RPS6KA4: variants seen among roughly 807,000 people sequenced by gnomAD.
RPS6KA4 encodes the protein ribosomal protein S6 kinase A4.
Under a neutral mutation model 89.6 loss-of-function variants are expected in RPS6KA4, and 38 were observed. That is an observed-to-expected ratio of 0.42 (90% confidence interval 0.33 to 0.56). The LOEUF (loss-of-function observed/expected upper bound fraction) is 0.56. Among genes scored for constraint, RPS6KA4 ranks in the 20% least tolerant of loss-of-function variants. RPS6KA4 has a pLI of 0.07. For synonymous variants in RPS6KA4, 495 were observed against 492.8 expected, an observed-to-expected ratio of 1.00 and a Z score of -0.06; for missense variants, 873 against 1,098.8, an observed-to-expected ratio of 0.79 and a Z score of 2.90.
At position 64,361,992 on chromosome 11, in the gene RPS6KA4, C is replaced by T. The variant is rs1423129476; in HGVS notation, c.896C>T (p.Pro299Leu). 3.1e-6 allele frequency: 5 copies of T among 1,609,270 alleles called. No individual in the cohort carries two copies. The highest frequency in any genetic ancestry group is 4.2e-6 in the Non-Finnish European group (5 of 1,178,614). Residue 299 changes from proline (P) to leucine (L), a missense_variant, in exon 8 of 17, where the codon CCC becomes CTC. Pro to Leu is a moderately conservative substitution (Grantham distance 98). Around this residue, in one of 4 missense-constraint regions of RPS6KA4, gnomAD observed 542 missense variants for 736.4 expected, o/e 0.74. Coordinates refer to ENST00000334205, the MANE Select transcript of RPS6KA4 (RefSeq NM_003942.3). The surrounding 1 kb of genome is among the most constrained non-coding windows in gnomAD (Gnocchi z 4.7). ...PQGAQEVRNH[P>L]FFQGLDWVAL... ...GGGGCACAAGAAGTCCGGAACCATC[C>T]CTTCTTCCAGGTGAGGCTGACTCAG... is the stretch of plus-strand genomic sequence containing the variant.
intron 8 of RPS6KA4, 55 bp downstream of exon 8, chr11:64,362,057 G>A: frequency 6.4e-7 from 1 of 1,555,024 alleles, no homozygotes; most frequent in Non-Finnish European, 8.6e-7. Flanking sequence ...TGGGGCTGCT[G>A]TTCCAGGTTG....
chr11:64,369,372 G>A (rs1046203012), intron 12 of RPS6KA4, 74 bp from the exon 13 acceptor site: 27 of 1,456,366 alleles, frequency 1.9e-5, no homozygotes, highest in African/African-American at 2.8e-5. Flanking sequence ...AAGGCCGGGG[G>A]CGGGGCCTGG....
Position 64,368,452 on chromosome 11 carries a change from T to TCGCCTC in RPS6KA4, c.1201-11_1201-10insCCGCCT, listed in dbSNP as rs1565072901. The stretch of plus-strand genomic sequence containing the variant: ...TGACGCGCCGCCTTCGCCTTCGCCT[T>TCGCCTC]CGCCTTCGCCTCCAGGACTCGCCCT... On this transcript the variant is annotated splice_polypyrimidine_tract_variant and intron_variant, in intron 10 of 16. Transcript: ENST00000334205. 9 of 1,547,164 alleles carry TCGCCTC rather than the reference T, an allele frequency of 5.8e-6. No homozygotes were observed. The South Asian group carries it at 1.1e-4, about 18-fold the overall frequency.
intron 2 of RPS6KA4, 34 bp from the exon 3 acceptor site, chr11:64,360,129 C>T: frequency 6.6e-7 from 1 of 1,517,936 alleles, no homozygotes; most frequent in Non-Finnish European, 8.9e-7. Context: ...CTCCCGCTCA[C>T]AGCCCACCCT....
intron 2 of RPS6KA4, 186 bp downstream of exon 2, chr11:64,359,635 A>T: frequency 1.6e-6 from 1 of 613,878 alleles, no homozygotes; most frequent in Non-Finnish European, 2.9e-6. Flanking sequence ...CTCCACATTG[A>T]CATCACTCCT....
At chr11:64,368,976 G>A (rs1446151045) in intron 12 of RPS6KA4, among the ~76,000 whole-genome samples, 179 bp downstream of exon 12, 1 of 152,128 alleles carries the variant, frequency 6.6e-6, no homozygotes, top group African/African-American at 2.4e-5. Context: ...AGGACGGGAA[G>A]GCGGAGCTGA....
chr11:64,359,512 C>A, intron 2 of RPS6KA4, 63 bp downstream of exon 2: 1 of 1,560,878 alleles, frequency 6.4e-7, no homozygotes, highest in Non-Finnish European at 8.8e-7. Context: ...CCTGCCTGCT[C>A]ACTCTTGGGC....
rs138093547 is a variant in RPS6KA4 at position 64,361,891 on chromosome 11, C to T, written c.795C>T (p.Ile265=). Reference sequence around the variant, plus strand: ...GCTCCCCTCCCTTCCCCCCTCGGATCGGGCCCGTGGCGCAGGACCTGCTGC... The same window carrying T: ...GCTCCCCTCCCTTCCCCCCTCGGATTGGGCCCGTGGCGCAGGACCTGCTGC... The part of the protein sequence containing the change: ...LKCSPPFPPR[I]GPVAQDLLQR... Residue 265 remains isoleucine (I), a synonymous_variant, in exon 8 of 17, where the codon ATC becomes ATT. Coordinates refer to ENST00000334205, the MANE Select transcript of RPS6KA4 (RefSeq NM_003942.3). The surrounding 1 kb of genome is among the most constrained non-coding windows in gnomAD (Gnocchi z 4.7). 1.6e-5 allele frequency: 26 copies of T among 1,612,870 alleles called. No homozygotes were observed. The highest frequency in any genetic ancestry group is 1.8e-5 in the Non-Finnish European group (21 of 1,179,864).
chr11:64,367,259 C>A (rs1048219362), intron 9 of RPS6KA4, among the ~76,000 whole-genome samples: 5 of 152,204 alleles, frequency 3.3e-5, no homozygotes, highest in African/African-American at 9.7e-5. Flanking sequence ...GATCCTCCCA[C>A]CTCAGCCTGC....
Position 64,361,274 on chromosome 11 carries a change from C to A in RPS6KA4, c.570+33C>A. On this transcript the variant is annotated intron_variant, in intron 5 of 16. Transcript: ENST00000334205. This position sits in a 1 kb window ranked among gnomAD's most constrained non-coding sequence, Gnocchi z 4.7. Reference sequence around the variant, plus strand: ...GAGGCCACCTCTGCCTGCAGTGCCCCATTCAATCCTTCTCCTTCCTGCCTC... The same window carrying A: ...GAGGCCACCTCTGCCTGCAGTGCCCAATTCAATCCTTCTCCTTCCTGCCTC... The A allele has an allele frequency of 6.4e-7, 1 of 1,574,666 alleles. No homozygotes were observed. The highest frequency in any genetic ancestry group is 8.7e-7 in the Non-Finnish European group (1 of 1,146,220).
chr11:64,364,978 C>T (rs1408660059), intron 8 of RPS6KA4, among the ~76,000 whole-genome samples: 1 of 150,652 alleles, frequency 6.6e-6, no homozygotes, highest in Non-Finnish European at 1.5e-5. Flanking sequence ...GTCTTGAACT[C>T]CTGACCTCAG....
rs2037078438 is a variant in RPS6KA4, at chr11:64,371,552, T to C, written c.*72T>C. ...AGCCCGGCTCACTCCCGGAGGCCTC[T>C]GCCTGCGGCTGACCTGATCCCCAAG... On this transcript the variant is annotated 3_prime_UTR_variant, in exon 17 of 17. Coordinates refer to ENST00000334205, the MANE Select transcript of RPS6KA4 (RefSeq NM_003942.3). 4.7e-6 allele frequency: 3 copies of C among 642,572 alleles called. No homozygotes were observed. The highest frequency in any genetic ancestry group is 5.5e-5 in the Admixed American group (2 of 36,106). 39.8% of individuals were successfully genotyped at this position (642,572 alleles called of 1,614,324 possible).
Position 64,360,208 on chromosome 11 carries a change from C to G in RPS6KA4, c.173C>G (p.Ala58Gly). 1 of 1,548,302 alleles carries G rather than the reference C, an allele frequency of 6.5e-7. No individual in the cohort carries two copies. The highest frequency in any genetic ancestry group is 8.7e-7 in the Non-Finnish European group (1 of 1,146,906). ...GTGCGGAAGGCGGGCGGGCACGACGCGGGGAAGCTGTACGCCATGAAGGTG... is the reference window on the plus strand; with the variant it reads ...GTGCGGAAGGCGGGCGGGCACGACGGGGGGAAGCTGTACGCCATGAAGGTG... ...FLVRKAGGHD[A>G]GKLYAMKVLR... The change falls in exon 3 of 17, where the codon GCG becomes GGG. Residue 58 changes from alanine (A) to glycine (G), a missense_variant. By Grantham distance (60) the Ala-to-Gly change is moderately conservative (BLOSUM62 0). Coordinates refer to ENST00000334205, the MANE Select transcript of RPS6KA4 (RefSeq NM_003942.3).
In RPS6KA4 at chr11:64,369,820, A is replaced by G; in HGVS notation, c.1724A>G (p.Tyr575Cys). Residue 575 changes from tyrosine (Y) to cysteine (C), a missense_variant, in exon 14 of 17, where the codon TAC becomes TGC. Physicochemically the swap from Tyr to Cys is radical, Grantham distance 194. Around this residue, in one of 4 missense-constraint regions of RPS6KA4, gnomAD observed 542 missense variants for 736.4 expected, o/e 0.74. Coordinates refer to ENST00000334205, the MANE Select transcript of RPS6KA4 (RefSeq NM_003942.3). ...PMQTPCFTLQYAAPELLAQQG... is the reference protein window; with the variant it reads ...PMQTPCFTLQCAAPELLAQQG... ...CAGACGCCCTGCTTCACGCTGCAGT[A>G]CGCTGCCCCCGAGCTGCTGGCGCAG... 2 of 1,600,552 alleles carry G rather than the reference A, an allele frequency of 1.2e-6. No individual in the cohort carries two copies. Among genetic ancestry groups the G allele is most frequent in the Non-Finnish European group, 1.7e-6 (2 of 1,174,640 alleles).
Position 64,368,161 on chromosome 11 carries a change from C to A in RPS6KA4, c.1101C>A (p.Leu367=). ...ACTCCTTTGTGGCACCCTCCATTCTCTTTGACCACAACAACGCGGTGATGA... is the reference window on the plus strand; with the variant it reads ...ACTCCTTTGTGGCACCCTCCATTCTATTTGACCACAACAACGCGGTGATGA... ...QGYSFVAPSI[L]FDHNNAVMTD... Residue 367 remains leucine, a synonymous_variant, in exon 10 of 17, where the codon CTC becomes CTA. Transcript: ENST00000334205. The A allele has an allele frequency of 6.2e-7, 1 of 1,613,742 alleles. No individual in the cohort carries two copies.
intron 8 of RPS6KA4, among the ~76,000 whole-genome samples, chr11:64,362,603 C>T (rs2036784082): frequency 6.6e-6 from 1 of 152,220 alleles, no homozygotes; most frequent in South Asian, 2.1e-4. Context: ...CCCAGCAGGA[C>T]TTTGTAACAG....
rs2036744559 is a variant in RPS6KA4 at position 64,361,406 on chromosome 11, C to T, written c.571-63C>T. ...AAGTTGAGCGAGTCTTACTCTGGGC[C>T]TTGTGGGGCACTGGGGCACAGGAGA... On this transcript the variant is annotated intron_variant, in intron 5 of 16. Coordinates refer to ENST00000334205, the MANE Select transcript of RPS6KA4 (RefSeq NM_003942.3). This position sits in a 1 kb window ranked among gnomAD's most constrained non-coding sequence, Gnocchi z 4.7. The T allele has an allele frequency of 1.3e-6, 2 of 1,582,654 alleles. No homozygotes were observed. The highest frequency in any genetic ancestry group is 1.7e-4 in the Middle Eastern group (1 of 5,786).
chr11:64,364,906 A>ATTT (rs35498968), intron 8 of RPS6KA4, among the ~76,000 whole-genome samples: 45 of 132,470 alleles, frequency 3.4e-4, no homozygotes, highest in Admixed American at 4.5e-4. Flanking sequence ...CGCCCAGCTA[A>ATTT]TTTTTTTTTT....
Position 64,359,261 on chromosome 11 carries a change from G to A in RPS6KA4, c.26G>A (p.Ser9Asn). The A allele has an allele frequency of 6.5e-7, 1 of 1,532,758 alleles. No individual in the cohort carries two copies. Among genetic ancestry groups the A allele is most frequent in the Non-Finnish European group, 8.8e-7 (1 of 1,136,068 alleles). The allele number at this position is 1,532,758 out of a possible 1,614,324, so 94.9% of individuals were successfully genotyped here. A position where few individuals can be genotyped will look rare whatever the true frequency, so the allele number is the denominator to read the frequency against. Reference sequence around the variant, plus strand: ...ATGGGGGACGAGGACGACGATGAGAGCTGCGCCGTGGAGCTGCGGATCACA... The same window carrying A: ...ATGGGGGACGAGGACGACGATGAGAACTGCGCCGTGGAGCTGCGGATCACA... MGDEDDDE[S>N]CAVELRITEA... The change falls in exon 1 of 17, where the codon AGC (serine) becomes AAC (asparagine). Residue 9 changes from serine (S) to asparagine (N), a missense_variant. Transcript: ENST00000334205.
Sources: gnomAD v4.1 joint callset for allele counts (sites outside exome capture counted in the v4.1 genomes callset) on GRCh38, gnomAD v4.1.1 for gene constraint, gnomAD v4.1.1 regional missense constraint, Gnocchi (gnomAD v3.1) non-coding constraint, MANE v1.5 for transcripts, NCBI Gene and HGNC (gene_info 2026-07-23, HGNC 2026-07-21) for gene names.